The following FMO5 variants were observed in gnomAD, a reference collection of about 807,000 sequenced individuals.
FMO5 encodes flavin-containing monooxygenase 5.
In FMO5, 51 loss-of-function variants were observed where a neutral mutation model predicts 43.6. The ratio of observed to expected loss-of-function variants is 1.17; its 90% CI spans 0.93 to 1.48. FMO5 has a LOEUF of 1.48. FMO5 is among the 40% of genes most tolerant of loss of function. FMO5 has a pLI of 0.00. For synonymous variants in FMO5, 187 were observed against 216.5 expected (o/e 0.86, Z 1.20); for missense variants, 644 against 643.0 (o/e 1.00, Z -0.02).
At chr1:147,192,639 G>C (rs1335462707) in intron 7 of FMO5, among the ~76,000 whole-genome samples, 1 of 152,066 alleles carries the variant, frequency 6.6e-6, no homozygotes, top group African/African-American at 2.4e-5. Context: ...TATGATATTG[G>C]CTGTGGGTTT....
At chr1:147,192,471 A>T (rs1657064526) in intron 7 of FMO5, among the ~76,000 whole-genome samples, 1 of 152,074 alleles carries the variant, frequency 6.6e-6, no homozygotes. Context: ...GGACAATTTG[A>T]CTTCCTCTTT....
chr1:147,196,229 C>T (rs1250538466), intron 7 of FMO5, among the ~76,000 whole-genome samples: 3 of 152,142 alleles, frequency 2.0e-5, no homozygotes, highest in Non-Finnish European at 4.4e-5. Context: ...TCATCACTCT[C>T]AAATAGCCTT....
chr1:147,215,794 T>C lies in FMO5; in HGVS notation c.284A>G (p.Tyr95Cys). 6.2e-7 allele frequency: 1 copy of C among 1,612,330 alleles called. No individual in the cohort carries two copies. Among genetic ancestry groups the C allele is most frequent in the Non-Finnish European group, 8.5e-7 (1 of 1,179,486 alleles). ...NAQVLEYFRM[Y>C]AKEFDLLKYI... ...CTTTAGAAGGTCAAATTCTTTGGCA[T>C]ACATCCTGAAATACTCCAGGACCTG... Residue 95 changes from tyrosine (Y) to cysteine (C), a missense_variant, in exon 3 of 9, where the codon TAT (tyrosine) becomes TGT (cysteine). Coordinates refer to ENST00000254090, the MANE Select transcript of FMO5 (RefSeq NM_001461.4).
At chr1:147,185,656 C>G (rs1239366063), downstream of FMO5, among the ~76,000 whole-genome samples, 5 of 152,258 alleles carry the variant, frequency 3.3e-5, no homozygotes, top group African/African-American at 1.2e-4. Flanking sequence ...TTGGTCTTTT[C>G]CATTGTTCAG....
intron 2 of FMO5, chr1:147,224,091 C>G (rs1663565911): frequency 2.7e-6 from 1 of 365,110 alleles, no homozygotes; most frequent in Non-Finnish European, 5.4e-6. Flanking sequence ...ATGGGGGTCC[C>G]TTACTGCATT....
chr1:147,213,815 A>G (rs782624232), intron 3 of FMO5, among the ~76,000 whole-genome samples: 10 of 152,080 alleles, frequency 6.6e-5, no homozygotes, highest in Non-Finnish European at 1.5e-4. Flanking sequence ...CTAAATGCCT[A>G]TTCTTCTCCT....
intron 2 of FMO5, among the ~76,000 whole-genome samples, chr1:147,219,524 T>C (rs1265058362): frequency 3.3e-5 from 5 of 152,046 alleles, no homozygotes. Context: ...ATAACCAACA[T>C]CATACTTAAC....
At chr1:147,202,291 G>C (rs1235874540) in intron 6 of FMO5, among the ~76,000 whole-genome samples, 2 of 149,652 alleles carry the variant, frequency 1.3e-5, no homozygotes, top group Non-Finnish European at 3.0e-5. Flanking sequence ...CTAGTATCGT[G>C]GAGCTTTCTA....
intron 7 of FMO5, among the ~76,000 whole-genome samples, chr1:147,194,083 A>G (rs1297330941): frequency 2.6e-5 from 4 of 152,080 alleles, no homozygotes; most frequent in Admixed American, 2.0e-4. Flanking sequence ...TGTCTCGTTG[A>G]TCTGTCTAAT....
chr1:147,190,193 C>T lies in FMO5; in HGVS notation c.1240G>A (p.Glu414Lys), dbSNP rs1302457745. Residue 414 changes from glutamate (E) to lysine (K), a missense_variant, in exon 8 of 9, where the codon GAG (glutamate) becomes AAG (lysine). Physicochemically the swap from Glu to Lys is moderately conservative, Grantham distance 56. Transcript: ENST00000254090. ...GTTTCTTACCTTTTGTCAATTTCCT[C>T]TTGAGCTTTAGATATTTCTGCCATC... is the stretch of plus-strand genomic sequence containing the variant. ...EMMAEISKAQ[E>K]EIDKRYVESQ... The T allele has an allele frequency of 4.8e-5, 78 of 1,610,272 alleles. No individual in the cohort carries two copies. The East Asian group carries it at 1.7e-3, about 36-fold the overall frequency.
At chr1:147,189,839 T>C (rs1389066078) in intron 8 of FMO5, among the ~76,000 whole-genome samples, 2 of 152,164 alleles carry the variant, frequency 1.3e-5, no homozygotes, top group Non-Finnish European at 2.9e-5. Flanking sequence ...TCACTCTTCC[T>C]TCCTCTGGCA....
At position 147,201,481 on chromosome 1, in the gene FMO5, A is replaced by C. The variant is rs1553920985; in HGVS notation, c.854T>G (p.Leu285Ter). The change falls in exon 7 of 9, where the codon TTA becomes TGA. Residue 285 changes from leucine to a stop codon, truncating the protein, a stop_gained. Transcript: ENST00000254090. LOFTEE classifies it high-confidence loss of function. ...KHRALSQHPT[L>*]NDDLPNRIIS... is the part of the protein sequence containing the mutation. ...GATACGATTTGGCAGGTCATCATTT[A>C]AGGTTGGATGCTGACTCAGAGCTCT... 1 of 1,613,872 alleles carries C rather than the reference A, an allele frequency of 6.2e-7. No homozygotes were observed. Among genetic ancestry groups the C allele is most frequent in the South Asian group, 1.1e-5 (1 of 91,030 alleles).
chr1:147,207,785 T>G (rs1414946548), intron 6 of FMO5, among the ~76,000 whole-genome samples: 7 of 152,138 alleles, frequency 4.6e-5, no homozygotes, highest in African/African-American at 1.7e-4. Context: ...TTACTGTAAA[T>G]CCCACCCTTA....
At chr1:147,219,598 C>T (rs1322933086) in intron 2 of FMO5, among the ~76,000 whole-genome samples, 2 of 152,036 alleles carry the variant, frequency 1.3e-5, no homozygotes, top group Non-Finnish European at 2.9e-5. Context: ...TCTCTCACCA[C>T]TCCTATGGAA....
At chr1:147,190,327 T>A in intron 7 of FMO5, 78 bp from the exon 8 acceptor site, 1 of 916,284 alleles carries the variant, frequency 1.1e-6, no homozygotes, top group South Asian at 1.5e-5. Flanking sequence ...TACTATGCTA[T>A]GGAGAATTCA....
At chr1:147,204,445 A>G in intron 6 of FMO5, 1 of 1,271,194 alleles carries the variant, frequency 7.9e-7, no homozygotes, top group Admixed American at 1.7e-5. Context: ...GGTACGAAGT[A>G]GAGATGAGAC....
chr1:147,186,829 A>G lies in FMO5; in HGVS notation c.*71T>C. 2 of 1,527,520 alleles carry G rather than the reference A, an allele frequency of 1.3e-6. No individual in the cohort carries two copies. The allele number at this position is 1,527,520 out of a possible 1,614,324, so 94.6% of individuals were successfully genotyped here. On this transcript the variant is annotated 3_prime_UTR_variant, in exon 9 of 9. Transcript: ENST00000254090. ...CTGGGCAATATGAAACTGAGAGTCAATCTCGTCAGATTCTGAAGGCATCTG... is the reference window on the plus strand; with the variant it reads ...CTGGGCAATATGAAACTGAGAGTCAGTCTCGTCAGATTCTGAAGGCATCTG...
chr1:147,212,680 A>G, intron 4 of FMO5, 145 bp from the exon 5 acceptor site: 2 of 757,480 alleles, frequency 2.6e-6, no homozygotes, highest in Non-Finnish European at 4.2e-6. Context: ...TGCCTTTCTC[A>G]GTATTTTTGC....
At chr1:147,224,412 T>A (rs1233677344) in intron 2 of FMO5, 3 of 157,394 alleles carry the variant, frequency 1.9e-5, no homozygotes, top group African/African-American at 7.2e-5. Flanking sequence ...TCAAAAAATG[T>A]AAAAATAAAA....
Sources: allele counts gnomAD v4.1 joint callset (sites outside exome capture counted in the v4.1 genomes callset), GRCh38; gene constraint gnomAD v4.1.1; transcripts MANE v1.5; gene names NCBI Gene and HGNC (gene_info 2026-07-23, HGNC 2026-07-21).